The following CYP2C19 variants were observed in gnomAD, a reference collection of about 807,000 sequenced individuals.
CYP2C19 encodes the protein cytochrome P450 2C19.
In CYP2C19, 59 loss-of-function variants were observed where a neutral mutation model predicts 40.9. The ratio of observed to expected loss-of-function variants is 1.44; its 90% CI spans 1.17 to 1.79. The LOEUF is 1.79. Ranked by LOEUF, CYP2C19 falls within the 40% of genes most tolerant of loss-of-function variation. The pLI is 0.00. For missense variants in CYP2C19, 754 were observed against 596.9 expected, an observed-to-expected ratio of 1.26 and a Z score of -2.74; for synonymous variants, 253 against 208.7, an observed-to-expected ratio of 1.21 and a Z score of -1.83.
At chr10:94,848,553 C>A (rs1333320726) in intron 7 of CYP2C19, among the ~76,000 whole-genome samples, 3 of 152,160 alleles carry the variant, frequency 2.0e-5, no homozygotes, top group African/African-American at 7.2e-5. Context: ...ATTGACTTGG[C>A]AATGCAGGCT....
At chr10:94,766,201 CA>C (rs1848240502) in intron 1 of CYP2C19, among the ~76,000 whole-genome samples, 1 of 151,840 alleles carries the variant, frequency 6.6e-6, no homozygotes, top group South Asian at 2.1e-4. Context: ...GATACAAAGC[CA>C]ACAGTCATTT....
At chr10:94,827,527 A>G (rs1404698830) in intron 6 of CYP2C19, among the ~76,000 whole-genome samples, 1 of 151,674 alleles carries the variant, frequency 6.6e-6, no homozygotes, top group Non-Finnish European at 1.5e-5. Flanking sequence ...ATCGTTTTTT[A>G]TTGCGTCTAT....
At chr10:94,829,672 A>G (rs1035200144) in intron 6 of CYP2C19, among the ~76,000 whole-genome samples, 1 of 152,102 alleles carries the variant, frequency 6.6e-6, no homozygotes, top group Non-Finnish European at 1.5e-5. Flanking sequence ...GTCATTCTCC[A>G]TCCAGCTTTG....
At chr10:94,763,839 A>G (rs1160288172) in intron 1 of CYP2C19, among the ~76,000 whole-genome samples, 1 of 151,982 alleles carries the variant, frequency 6.6e-6, no homozygotes, top group Non-Finnish European at 1.5e-5. Context: ...GAAGCCACGG[A>G]CCCTCGTGGT....
At chr10:94,852,012 A>G (rs2134294438) in intron 8 of CYP2C19, among the ~76,000 whole-genome samples, 1 of 152,344 alleles carries the variant, frequency 6.6e-6, no homozygotes, top group South Asian at 2.1e-4. Context: ...TGACTGTGGT[A>G]ATAGAAAAGT....
chr10:94,779,232 G>A (rs1848451101), intron 3 of CYP2C19, among the ~76,000 whole-genome samples: 1 of 152,048 alleles, frequency 6.6e-6, no homozygotes, highest in Non-Finnish European at 1.5e-5. Context: ...GTATACCTAT[G>A]TAACAAATCT....
At chr10:94,823,807 G>A (rs1197385625) in intron 6 of CYP2C19, among the ~76,000 whole-genome samples, 1 of 152,144 alleles carries the variant, frequency 6.6e-6, no homozygotes, top group Non-Finnish European at 1.5e-5. Flanking sequence ...ATTGGAGAAT[G>A]TGCTTAATTC....
At chr10:94,828,417 A>G (rs1849267538) in intron 6 of CYP2C19, among the ~76,000 whole-genome samples, 1 of 150,010 alleles carries the variant, frequency 6.7e-6, no homozygotes, top group African/African-American at 2.5e-5. Flanking sequence ...CCATTATGTA[A>G]TGGCCTTCTT....
chr10:94,824,561 T>C (rs1849182970), intron 6 of CYP2C19, among the ~76,000 whole-genome samples: 1 of 152,224 alleles, frequency 6.6e-6, no homozygotes, highest in Non-Finnish European at 1.5e-5. Context: ...TAACTTAATG[T>C]TTAAACGTGT....
At chr10:94,795,368 G>A (rs1175397761) in intron 5 of CYP2C19, among the ~76,000 whole-genome samples, 1 of 151,948 alleles carries the variant, frequency 6.6e-6, no homozygotes, top group Non-Finnish European at 1.5e-5. Flanking sequence ...ATTCCATGGT[G>A]TATATGTGCC....
intron 5 of CYP2C19, among the ~76,000 whole-genome samples, chr10:94,791,162 T>A (rs145340760): frequency 0.048 from 7,258 of 152,260 alleles, 244 homozygotes; most frequent in South Asian, 0.11. Flanking sequence ...CGTAGAGGTG[T>A]TTATAGTAAT....
At chr10:94,811,382 A>T (rs1848920535) in intron 5 of CYP2C19, among the ~76,000 whole-genome samples, 2 of 152,160 alleles carry the variant, frequency 1.3e-5, no homozygotes, top group Admixed American at 1.3e-4. Flanking sequence ...AGAGTTCTTT[A>T]GATATCTATT....
At chr10:94,799,963 G>A (rs1848741385) in intron 5 of CYP2C19, among the ~76,000 whole-genome samples, 1 of 151,986 alleles carries the variant, frequency 6.6e-6, no homozygotes, top group African/African-American at 2.4e-5. Context: ...CCTTTAGCTT[G>A]GAGAAGTTTG....
chr10:94,803,911 AGAGGGCCCCC>A (rs1435625392), intron 5 of CYP2C19, among the ~76,000 whole-genome samples: 9 of 152,146 alleles, frequency 5.9e-5, no homozygotes, highest in African/African-American at 2.2e-4. Context: ...TATGGAGCAG[AGAGGGCCCCC>A]TTGCACCATG....
rs764751186 is a variant in CYP2C19 at position 94,781,964 on chromosome 10, C to A, written c.786C>A (p.Asp262Glu). 5 of 1,534,066 alleles carry A rather than the reference C, an allele frequency of 3.3e-6. No individual in the cohort carries two copies. The highest frequency in any genetic ancestry group is 2.6e-5 in the East Asian group (1 of 38,006). The change falls in exon 5 of 9, where the codon GAC becomes GAA. Residue 262 changes from aspartate (D) to glutamate (E), a missense_variant. Transcript: ENST00000371321. Reference sequence around the variant, plus strand: ...CGATGGACATCAACAACCCTCGGGACTTTATTGATTGCTTCCTGATCAAAA... The same window carrying A: ...CGATGGACATCAACAACCCTCGGGAATTTATTGATTGCTTCCTGATCAAAA... ...QESMDINNPR[D>E]FIDCFLIKME...
intron 5 of CYP2C19, among the ~76,000 whole-genome samples, chr10:94,809,493 C>G (rs987231328): frequency 1.3e-5 from 2 of 152,108 alleles, no homozygotes; most frequent in Non-Finnish European, 2.9e-5. Flanking sequence ...AATCTACAAT[C>G]ATGTAATCTG....
chr10:94,769,764 TG>T (rs1436213059), intron 1 of CYP2C19, among the ~76,000 whole-genome samples: 5 of 152,136 alleles, frequency 3.3e-5, no homozygotes, highest in Non-Finnish European at 5.9e-5. Context: ...TAGCCTGATT[TG>T]GACTGGGTGG....
chr10:94,839,108 G>T (rs1359764351), intron 6 of CYP2C19, among the ~76,000 whole-genome samples: 1 of 152,144 alleles, frequency 6.6e-6, no homozygotes, highest in Non-Finnish European at 1.5e-5. Context: ...ATCCTCTATG[G>T]TCCTAATGCT....
chr10:94,785,560 T>C (rs961598175), intron 5 of CYP2C19, among the ~76,000 whole-genome samples: 2 of 152,176 alleles, frequency 1.3e-5, no homozygotes, highest in African/African-American at 4.8e-5. Flanking sequence ...TTGATTATTA[T>C]ACTTTGTAGT....
Sources: allele counts gnomAD v4.1 joint callset (sites outside exome capture counted in the v4.1 genomes callset), GRCh38; gene constraint gnomAD v4.1.1; transcripts MANE v1.5; gene names NCBI Gene and HGNC (gene_info 2026-07-23, HGNC 2026-07-21).